SP140: variants seen among roughly 807,000 people sequenced by gnomAD.
SP140 encodes the protein SP140 nuclear body protein.
SP140 carries 81 observed loss-of-function variants against 125.0 expected under a neutral mutation model. The ratio of observed to expected loss-of-function variants is 0.65; its 90% confidence interval spans 0.54 to 0.78. The LOEUF is 0.78. Ranked by LOEUF, SP140 falls within the 30% of genes least tolerant of loss-of-function variation. The pLI is 0.00. For missense variants in SP140, 858 were observed against 1,037.0 expected (o/e 0.83, Z 2.37); for synonymous variants, 312 against 354.0 (o/e 0.88, Z 1.33).
At chr2:230,221,874 A>G, upstream of SP140, 2 of 714,994 alleles carry the variant, frequency 2.8e-6, no homozygotes, top group Non-Finnish European at 4.7e-6. Context: ...ATCAGGCAAA[A>G]ATTGTTACAT....
Position 230,216,808 on chromosome 2 carries a change from G to T in SP140, c.-91+2734G>T, listed in dbSNP as rs560250272. ...TGTACATTCTCTTAGTGATGATGGA[G>T]TTGTCTAGGAGGCCTTCAAAGAAGG... On this transcript the variant is annotated intron_variant, in intron 3 of 4. Transcript: ENST00000456542. 4 of 1,614,096 alleles carry T rather than the reference G, an allele frequency of 2.5e-6. No individual in the cohort carries two copies. In the African/African-American group the frequency reaches 5.3e-5, roughly 22 times the overall value.
At chr2:230,260,457 G>A (rs548865629) in intron 12 of SP140, among the ~76,000 whole-genome samples, 52 of 152,200 alleles carry the variant, frequency 3.4e-4, no homozygotes, top group African/African-American at 9.9e-4. Context: ...TTAAGTCCCA[G>A]CTATTTATCT....
chr2:230,301,821 C>G (rs2058307725), intron 22 of SP140, among the ~76,000 whole-genome samples: 1 of 152,144 alleles, frequency 6.6e-6, no homozygotes, highest in Admixed American at 6.5e-5. Context: ...CTAAATTCTT[C>G]ACTTAAAAGA....
chr2:230,284,159 A>G (rs1418944252), intron 15 of SP140, among the ~76,000 whole-genome samples, 187 bp from the exon 16 acceptor site: 3 of 152,322 alleles, frequency 2.0e-5, no homozygotes, highest in Non-Finnish European at 2.9e-5. Flanking sequence ...CCATGGCCCA[A>G]GGCTCATGCA....
At chr2:230,248,782 CA>C (rs2049905094) in intron 8 of SP140, 102 bp from the exon 9 acceptor site, 1 of 860,698 alleles carries the variant, frequency 1.2e-6, no homozygotes, top group South Asian at 1.5e-5. Context: ...CGGAACAAGA[CA>C]GGGGTGGCTC....
At chr2:230,206,884 C>CT (rs1184487215) in intron 1 of SP140, among the ~76,000 whole-genome samples, 1 of 152,008 alleles carries the variant, frequency 6.6e-6, no homozygotes, top group Non-Finnish European at 1.5e-5. Context: ...CCTCTCTTAT[C>CT]TCCTGAGATG....
intron 1 of SP140, among the ~76,000 whole-genome samples, chr2:230,207,396 C>A (rs2043985959): frequency 6.6e-6 from 1 of 152,122 alleles, no homozygotes; most frequent in Admixed American, 6.5e-5. Context: ...CCTTGTGTTC[C>A]TGCAGCACTC....
chr2:230,255,540 CGGGG>C lies in SP140; in HGVS notation c.1240+15_1240+18del, dbSNP rs55829350. On this transcript the variant is annotated intron_variant, in intron 12 of 26. Coordinates refer to ENST00000392045, the MANE Select transcript of SP140 (RefSeq NM_007237.5). The stretch of plus-strand genomic sequence containing the variant: ...TAGCAAGACGTGGGTCAGGTAAGGA[CGGGG>C]GGGGGGATTTCTGGCCCTGGGCTGC... The C allele has an allele frequency of 8.3e-6, 13 of 1,561,494 alleles. No homozygotes were observed. Among genetic ancestry groups the C allele is most frequent in the Middle Eastern group, 2.3e-4 (1 of 4,416 alleles).
chr2:230,226,762 C>CAAAAAAAAAAAAAAAAAAAA (rs11323886), intron 1 of SP140, among the ~76,000 whole-genome samples: 18 of 94,244 alleles, frequency 1.9e-4, no homozygotes, highest in South Asian at 3.7e-4. Context: ...AATTCCATCT[C>CAAAAAAAAAAAAAAAAAAAA]AAAAAAAAAA....
At chr2:230,204,208 C>T (rs559173087) in intron 1 of SP140, among the ~76,000 whole-genome samples, 13 of 152,334 alleles carry the variant, frequency 8.5e-5, no homozygotes, top group Non-Finnish European at 1.3e-4. Flanking sequence ...GTCAGAGTTA[C>T]CTCAACAGAA....
chr2:230,212,470 G>T, intron 1 of SP140: 1 of 1,438,500 alleles, frequency 7.0e-7, no homozygotes, highest in Non-Finnish European at 9.8e-7. Flanking sequence ...TGCAGGGACT[G>T]GATGTCAGGG....
At chr2:230,291,341 A>G (rs72990203) in intron 19 of SP140, among the ~76,000 whole-genome samples, 2 of 152,294 alleles carry the variant, frequency 1.3e-5, no homozygotes, top group Non-Finnish European at 2.9e-5. Context: ...TTTTTTTTGT[A>G]TAGTCACAGA....
At chr2:230,222,084 GC>G (rs2045866427), upstream of SP140, among the ~76,000 whole-genome samples, 1 of 152,270 alleles carries the variant, frequency 6.6e-6, no homozygotes, top group Non-Finnish European at 1.5e-5. Flanking sequence ...AAAAAAATTA[GC>G]TGGGCGTGGT....
chr2:230,243,807 G>T lies in SP140; in HGVS notation c.567G>T (p.Glu189Asp), dbSNP rs1467269400. 6.2e-7 allele frequency: 1 copy of T among 1,610,718 alleles called. No individual in the cohort carries two copies. Among genetic ancestry groups the T allele is most frequent in the South Asian group, 1.1e-5 (1 of 91,022 alleles). Residue 189 changes from glutamate (E) to aspartate (D), a missense_variant, in exon 5 of 27, where the codon GAG (glutamate) becomes GAT (aspartate). Physicochemically the swap from Glu to Asp is conservative, Grantham distance 45. This residue lies in a region of SP140 where 791 missense variants were observed against 869.5 expected (regional missense o/e 0.91). Transcript: ENST00000392045. ...QEALSSSPRC[E>D]PGFSSESCEQ... ...CCTTGAGCTCCTCGCCAAGGTGTGA[G>T]CCAGGTAAGGAAGGAGTGACTTGCT...
chr2:230,254,749 G>C (rs1264969140), intron 11 of SP140, among the ~76,000 whole-genome samples: 1 of 152,208 alleles, frequency 6.6e-6, no homozygotes, highest in Non-Finnish European at 1.5e-5. Context: ...TTGTTGCACA[G>C]GATTAGAAGA....
At chr2:230,247,547 C>G (rs1355541349) in intron 7 of SP140, among the ~76,000 whole-genome samples, 1 of 152,186 alleles carries the variant, frequency 6.6e-6, no homozygotes, top group African/African-American at 2.4e-5. Flanking sequence ...TCACATCTTT[C>G]CTCTGATCTT....
chr2:230,258,191 A>C (rs2051572451), intron 12 of SP140, among the ~76,000 whole-genome samples: 1 of 152,198 alleles, frequency 6.6e-6, no homozygotes. Flanking sequence ...CTAAAGCTGC[A>C]GGAGGCACCA....
At chr2:230,268,420 G>T (rs2053447865) in intron 12 of SP140, among the ~76,000 whole-genome samples, 1 of 151,958 alleles carries the variant, frequency 6.6e-6, no homozygotes, top group Non-Finnish European at 1.5e-5. Flanking sequence ...GCTACTTTGG[G>T]AGGCTGAGAC....
chr2:230,221,457 C>A (rs2045809332), upstream of SP140, among the ~76,000 whole-genome samples: 3 of 152,136 alleles, frequency 2.0e-5, no homozygotes, highest in Non-Finnish European at 4.4e-5. Flanking sequence ...TAAGAGCAAG[C>A]CCTTCTATGC....
Sources: allele counts gnomAD v4.1 joint callset (sites outside exome capture counted in the v4.1 genomes callset), GRCh38; gene constraint gnomAD v4.1.1; regional missense constraint gnomAD v4.1.1; transcripts MANE v1.5; gene names NCBI Gene and HGNC (gene_info 2026-07-23, HGNC 2026-07-21).